Variants in DMD observed in about 807,000 individuals in gnomAD.
DMD encodes dystrophin, also known as mutant dystrophin.
In DMD, 63 loss-of-function variants were observed where a neutral mutation model predicts 330.1. The ratio of observed to expected loss-of-function variants is 0.19; its 90% CI spans 0.16 to 0.24. The LOEUF (loss-of-function observed/expected upper bound fraction) is 0.24. DMD is among the 10% of genes least tolerant of loss of function. The pLI is 1.00. For synonymous variants in DMD, 1,223 were observed against 959.8 expected (o/e 1.27, Z -5.07); for missense variants, 3,344 against 2,684.1 (o/e 1.25, Z -5.43).
At chrX:32,732,477 G>C (rs763108693) in intron 7 of DMD, among the ~76,000 whole-genome samples, 1 of 110,799 alleles carries the variant, frequency 9.0e-6, no homozygotes, top group Non-Finnish European at 1.9e-5. Context: ...CACCAAAGTT[G>C]AAATGAAGGA....
chrX:32,679,959 G>A (rs1271626384), intron 9 of DMD, among the ~76,000 whole-genome samples: 1 of 76,922 alleles, frequency 1.3e-5, no homozygotes, highest in Non-Finnish European at 2.2e-5. Flanking sequence ...CTGTCACCCA[G>A]GCTGGAGTGC....
intron 41 of DMD, among the ~76,000 whole-genome samples, chrX:32,317,519 T>C (rs754042804): frequency 9.9e-5 from 11 of 111,483 alleles, no homozygotes; most frequent in African/African-American, 3.2e-4. Context: ...TGAAGGGCCA[T>C]AACTGCAAAG....
At chrX:32,471,867 T>C (rs1251565139) in intron 22 of DMD, among the ~76,000 whole-genome samples, 2 of 111,848 alleles carry the variant, frequency 1.8e-5, no homozygotes. Flanking sequence ...AATAAAACAA[T>C]GGTTTTTCTA....
At chrX:32,156,814 G>T (rs1190889752) in intron 44 of DMD, among the ~76,000 whole-genome samples, 1 of 111,496 alleles carries the variant, frequency 9.0e-6, no homozygotes, top group East Asian at 2.8e-4. Context: ...TTCTTTACAT[G>T]TTACTGTCCC....
chrX:31,749,180 A>G (rs992232364), intron 51 of DMD, among the ~76,000 whole-genome samples: 134 of 108,947 alleles, frequency 1.2e-3, no homozygotes, highest in African/African-American at 4.4e-3. Flanking sequence ...TTTAGGGTAC[A>G]TGTGCACAAT....
chrX:32,925,721 T>C (rs746438290), intron 2 of DMD, among the ~76,000 whole-genome samples: 5 of 112,103 alleles, frequency 4.5e-5, no homozygotes, highest in South Asian at 7.3e-4. Context: ...AATCACCACA[T>C]GTCTACATAA....
At chrX:32,721,620 T>C (rs1271345486) in intron 7 of DMD, among the ~76,000 whole-genome samples, 1 of 111,240 alleles carries the variant, frequency 9.0e-6, no homozygotes, top group Non-Finnish European at 1.9e-5. Flanking sequence ...ATCAGATATA[T>C]GTTTTGCAAA....
chrX:32,717,435 C>T (rs1192067787), intron 7 of DMD, among the ~76,000 whole-genome samples: 1 of 111,700 alleles, frequency 9.0e-6, no homozygotes, highest in East Asian at 2.8e-4. Flanking sequence ...GTTAATCCTG[C>T]AAGTGTGCAG....
chrX:32,994,944 C>T (rs751277866), intron 2 of DMD, among the ~76,000 whole-genome samples: 165 of 111,677 alleles, frequency 1.5e-3, no homozygotes, highest in Non-Finnish European at 2.6e-3. Context: ...GGACCCCCAT[C>T]TCTACAAAAA....
chrX:32,234,805 C>T (rs1307368779), intron 43 of DMD, among the ~76,000 whole-genome samples: 4 of 111,547 alleles, frequency 3.6e-5, no homozygotes, highest in African/African-American at 1.3e-4. Context: ...TTATTATTTA[C>T]TGTATTTGGT....
At position 32,471,149 on chromosome X, in the gene DMD, C is replaced by T. The variant is rs373892809; in HGVS notation, c.2949+1015G>A. 6.3e-5 allele frequency among the ~76,000 whole-genome samples: 7 copies of T among 110,600 alleles called. No homozygotes were observed. The East Asian group carries it at 8.6e-4, about 14-fold the overall frequency. On this transcript the variant is annotated intron_variant, in intron 22 of 78. Transcript: ENST00000357033. ...CAAAAATTAGCCAGGCGTGATGGCA[C>T]GCACTATAATCCCAGCTACTCAGGA...
chrX:31,904,864 A>G lies in DMD; in HGVS notation c.6912+24732T>C, dbSNP rs143635177. 4.1e-3 allele frequency among the ~76,000 whole-genome samples: 462 copies of G among 111,995 alleles called. 3 individuals are homozygous for G. The highest frequency in any genetic ancestry group is 0.014 in the African/African-American group (442 of 30,916). ...TCTAAAGATACAGTTTTAAGCCCCT[A>G]TCTTTGTAGTAATTGTTATGCAGCA... On this transcript the variant is annotated intron_variant, in intron 47 of 78. Coordinates refer to ENST00000357033, the MANE Select transcript of DMD (RefSeq NM_004006.3).
chrX:32,291,597 G>T (rs1474708551), intron 42 of DMD, among the ~76,000 whole-genome samples: 4 of 111,772 alleles, frequency 3.6e-5, no homozygotes, highest in African/African-American at 1.3e-4. Flanking sequence ...GGAAGAACTT[G>T]AATGAGTCTT....
intron 29 of DMD, chrX:32,412,151 A>C: frequency 8.8e-7 from 1 of 1,136,663 alleles, no homozygotes; most frequent in Non-Finnish European, 1.2e-6. Context: ...ATCAATCACA[A>C]TATCACGTAC....
At position 31,478,829 on chromosome X, in the gene DMD, A is replaced by AT. The variant is rs1341366465; in HGVS notation, c.8668+153dup. 4.5e-5 allele frequency among the ~76,000 whole-genome samples: 5 copies of AT among 110,208 alleles called. 1 individual carries two copies. The highest frequency in any genetic ancestry group is 7.6e-4 in the South Asian group (2 of 2,620). On this transcript the variant is annotated intron_variant, in intron 58 of 78. Coordinates refer to ENST00000357033, the MANE Select transcript of DMD (RefSeq NM_004006.3). Reference sequence around the variant, plus strand: ...TATGCATGGTAGTTTATGAGTCCTTATTTTTTTTTCAGCATCTATGTTTAA... The same window carrying AT: ...TATGCATGGTAGTTTATGAGTCCTTATTTTTTTTTTCAGCATCTATGTTTAA...
intron 44 of DMD, among the ~76,000 whole-genome samples, chrX:32,189,326 T>A (rs2096961275): frequency 9.4e-6 from 1 of 106,611 alleles, no homozygotes; most frequent in Non-Finnish European, 1.9e-5. Flanking sequence ...TGATAATTTT[T>A]AACGTTGACA....
At chrX:31,721,496 C>A (rs193247743) in intron 52 of DMD, among the ~76,000 whole-genome samples, 44 of 108,739 alleles carry the variant, frequency 4.0e-4, no homozygotes, top group Admixed American at 3.5e-3. Flanking sequence ...AACATCAACT[C>A]TTCCCTTGGT....
intron 4 of DMD, among the ~76,000 whole-genome samples, chrX:32,834,375 ATATG>A (rs2079422828): frequency 8.9e-6 from 1 of 111,964 alleles, no homozygotes; most frequent in African/African-American, 3.2e-5. Flanking sequence ...ATGCTCCAAA[ATATG>A]TATTATATGG....
intron 2 of DMD, among the ~76,000 whole-genome samples, chrX:32,857,812 G>C (rs139621364): frequency 0.02 from 2,282 of 111,523 alleles, 108 homozygotes; most frequent in Admixed American, 0.16. Context: ...TTTGGGTTTG[G>C]AGACAAAGTC....
Sources: gnomAD v4.1 joint callset for allele counts (sites outside exome capture counted in the v4.1 genomes callset) on GRCh38, gnomAD v4.1.1 for gene constraint, MANE v1.5 for transcripts, NCBI Gene and HGNC (gene_info 2026-07-23, HGNC 2026-07-21) for gene names.